Variants in PRMT7 observed in about 807,000 individuals in gnomAD.
PRMT7 encodes the protein protein arginine N-methyltransferase 7.
PRMT7 carries 75 observed loss-of-function variants against 85.4 expected under a neutral mutation model. That is an observed-to-expected ratio of 0.88 (90% CI 0.73 to 1.06). The LOEUF is 1.06. PRMT7 is among the 50% of genes least tolerant of loss of function. The pLI, the probability that PRMT7 is intolerant of heterozygous loss-of-function variation, is 0.00. For missense variants in PRMT7, 868 were observed against 915.2 expected, an observed-to-expected ratio of 0.95 and a Z score of 0.67; for synonymous variants, 397 against 359.5, an observed-to-expected ratio of 1.10 and a Z score of -1.18.
chr16:68,319,189 G>A (rs1364650255), intron 3 of PRMT7, among the ~76,000 whole-genome samples: 2 of 152,196 alleles, frequency 1.3e-5, no homozygotes, highest in African/African-American at 2.4e-5. Flanking sequence ...TGGGTCTGGA[G>A]ACAGAATTTG....
intron 9 of PRMT7, among the ~76,000 whole-genome samples, chr16:68,344,035 T>G (rs1234885954): frequency 6.6e-6 from 1 of 152,236 alleles, no homozygotes; most frequent in Non-Finnish European, 1.5e-5. Flanking sequence ...GTGGCACCTC[T>G]TAGCTCACTG....
chr16:68,356,758 C>T lies in PRMT7; in HGVS notation c.1869C>T (p.Cys623=), dbSNP rs369380766. ...LWMEYHLTPE[C]TLSTGLLEPA... ...TGGAGTACCACCTGACCCCGGAGTG[C>T]ACGCTCAGCACTGGCCTCCTGGAGC... The change falls in exon 18 of 19, where the codon TGC becomes TGT. Residue 623 remains cysteine (C), a synonymous_variant. Coordinates refer to ENST00000441236, the MANE Select transcript of PRMT7 (RefSeq NM_019023.5). 13 of 1,611,026 alleles carry T rather than the reference C, an allele frequency of 8.1e-6. No individual in the cohort carries two copies. In the South Asian group the frequency reaches 1.1e-4, roughly 14 times the overall value.
chr16:68,355,471 G>T, intron 16 of PRMT7: 1 of 393,548 alleles, frequency 2.5e-6, no homozygotes, highest in Non-Finnish European at 4.5e-6. Flanking sequence ...TCCTCAGAAG[G>T]CTTGAGACAG....
chr16:68,321,352 T>G, intron 3 of PRMT7, 74 bp from the exon 4 acceptor site: 1 of 1,149,202 alleles, frequency 8.7e-7, no homozygotes, highest in Non-Finnish European at 1.3e-6. Flanking sequence ...TGTTTAGCAA[T>G]GTGTTTATAT....
intron 7 of PRMT7, among the ~76,000 whole-genome samples, chr16:68,337,996 C>G (rs190220129): frequency 7.9e-5 from 12 of 152,160 alleles, no homozygotes; most frequent in Middle Eastern, 3.4e-3. Flanking sequence ...GAGAGATGGG[C>G]TTAGCAACTG....
downstream of PRMT7, chr16:68,359,558 GTCCCTCTTGC>G (rs973426399): frequency 2.0e-5 from 3 of 152,830 alleles, no homozygotes; most frequent in African/African-American, 7.2e-5. Context: ...CCCCCTCTTG[GTCCCTCTTGC>G]AGCTCAATGG....
chr16:68,347,766 C>T, intron 13 of PRMT7, 88 bp downstream of exon 13: 2 of 1,276,782 alleles, frequency 1.6e-6, no homozygotes, highest in South Asian at 1.2e-5. Flanking sequence ...CCCAGGGGAA[C>T]AAAGGAGTGG....
intron 2 of PRMT7, 47 bp downstream of exon 2, chr16:68,312,223 A>ATTT (rs1212523307): frequency 2.5e-5 from 1 of 39,898 alleles, no homozygotes; most frequent in African/African-American, 6.7e-5. Context: ...ATATATATAT[A>ATTT]TATATATTTT....
At chr16:68,336,919 A>C (rs1306362406) in intron 6 of PRMT7, among the ~76,000 whole-genome samples, 1 of 152,100 alleles carries the variant, frequency 6.6e-6, no homozygotes, top group Non-Finnish European at 1.5e-5. Context: ...CACCTGGCTA[A>C]TTTTTGTATT....
At position 68,345,779 on chromosome 16, in the gene PRMT7, A is replaced by G. The variant is rs751898279; in HGVS notation, c.1032A>G (p.Val344=). 3 of 1,614,014 alleles carry G rather than the reference A, an allele frequency of 1.9e-6. No individual in the cohort carries two copies. The highest frequency in any genetic ancestry group is 2.2e-5 in the South Asian group (2 of 91,086). Residue 344 remains valine, a synonymous_variant, in exon 10 of 19, where the codon GTA becomes GTG. Coordinates refer to ENST00000441236, the MANE Select transcript of PRMT7 (RefSeq NM_019023.5). ...TAGCCCACCACGATGACTACTGCGT[A>G]TGGTACAGCCTGCAGAGGACCAGGT... ...YLVAHHDDYC[V]WYSLQRTSPE...
chr16:68,358,835 T>TA (rs915610085), downstream of PRMT7: 6 of 152,488 alleles, frequency 3.9e-5, no homozygotes, highest in East Asian at 3.8e-4. Flanking sequence ...TGGTTCACTT[T>TA]AAAAAATCAG....
chr16:68,353,494 C>G lies in PRMT7; in HGVS notation c.1578C>G (p.Asp526Glu), dbSNP rs761723324. Reference sequence around the variant, plus strand: ...ACGGGGCTGCTCCTTCCTCACAGGACCTGTGGCGGATCCGGAGCCCCTGTG... The same window carrying G: ...ACGGGGCTGCTCCTTCCTCACAGGAGCTGTGGCGGATCCGGAGCCCCTGTG... ...SLHAVVVEFR[D>E]LWRIRSPCGD... Residue 526 changes from aspartate to glutamate, a missense_variant and splice_region_variant, in exon 16 of 19, where the codon GAC becomes GAG. By Grantham distance (45) the Asp-to-Glu change is conservative. Coordinates refer to ENST00000441236, the MANE Select transcript of PRMT7 (RefSeq NM_019023.5). 6.2e-7 allele frequency: 1 copy of G among 1,609,966 alleles called. No individual in the cohort carries two copies. The highest frequency in any genetic ancestry group is 8.5e-7 in the Non-Finnish European group (1 of 1,178,444).
chr16:68,348,477 G>T (rs2086741799), intron 14 of PRMT7, 46 bp downstream of exon 14: 1 of 1,496,322 alleles, frequency 6.7e-7, no homozygotes, highest in African/African-American at 1.4e-5. Flanking sequence ...TGTTAGGGTG[G>T]TCAGCACGGC....
At chr16:68,346,892 C>T (rs896813411) in intron 11 of PRMT7, among the ~76,000 whole-genome samples, 2 of 152,096 alleles carry the variant, frequency 1.3e-5, no homozygotes, top group African/African-American at 2.4e-5. Context: ...CTTGGAGGCT[C>T]TCAGCTGTCT....
intron 14 of PRMT7, chr16:68,352,033 C>T (rs930647465): frequency 3.7e-6 from 2 of 542,834 alleles, no homozygotes; most frequent in Middle Eastern, 4.9e-4. Context: ...AGGGCAGGTA[C>T]AGAGCACCTT....
At chr16:68,349,254 C>G (rs964709259) in intron 14 of PRMT7, among the ~76,000 whole-genome samples, 1 of 152,112 alleles carries the variant, frequency 6.6e-6, no homozygotes, top group African/African-American at 2.4e-5. Flanking sequence ...TGCACTGCTC[C>G]GTGGCACTCT....
downstream of PRMT7, chr16:68,360,060 C>G (rs2089154645): frequency 1.3e-5 from 2 of 153,316 alleles, no homozygotes; most frequent in South Asian, 4.1e-4. Flanking sequence ...GCCGGGGTCC[C>G]CTTGTGGCCT....
rs2088609825 is a variant in PRMT7 at position 68,356,765 on chromosome 16, A to G, written c.1876A>G (p.Ser626Gly). 6.2e-7 allele frequency: 1 copy of G among 1,610,842 alleles called. No individual in the cohort carries two copies. The highest frequency in any genetic ancestry group is 1.3e-5 in the African/African-American group (1 of 74,976). ...CCACCTGACCCCGGAGTGCACGCTC[A>G]GCACTGGCCTCCTGGAGCCTGCAGA... ...EYHLTPECTL[S>G]TGLLEPADPE... is the part of the protein sequence containing the mutation. Residue 626 changes from serine (S) to glycine (G), a missense_variant, in exon 18 of 19, where the codon AGC (serine) becomes GGC (glycine). By Grantham distance (56) the Ser-to-Gly change is moderately conservative (BLOSUM62 0). Transcript: ENST00000441236.
chr16:68,353,749 C>T (rs144613588), intron 16 of PRMT7, among the ~76,000 whole-genome samples, 183 bp downstream of exon 16: 1 of 152,288 alleles, frequency 6.6e-6, no homozygotes, highest in African/African-American at 2.4e-5. Context: ...TCCGTGCTGT[C>T]ACCCTGTGTC....
Sources: gnomAD v4.1 joint callset for allele counts (sites outside exome capture counted in the v4.1 genomes callset) on GRCh38, gnomAD v4.1.1 for gene constraint, MANE v1.5 for transcripts, NCBI Gene and HGNC (gene_info 2026-07-23, HGNC 2026-07-21) for gene names.